Variants in CGGBP1 observed in about 807,000 individuals in gnomAD.
The protein encoded by CGGBP1 is CGG triplet repeat-binding protein 1.
Under a neutral mutation model 11.4 loss-of-function variants are expected in CGGBP1, and 4 were observed. That is an observed-to-expected ratio of 0.35 (90% confidence interval 0.17 to 0.80). The LOEUF is 0.80. CGGBP1 is among the 30% of genes least tolerant of loss of function. The probability of loss-of-function intolerance (pLI) is 0.52; values close to 1 mark genes in which losing one functional copy is unlikely to be tolerated. For missense variants in CGGBP1, 135 were observed against 202.1 expected, an observed-to-expected ratio of 0.67 and a Z score of 2.01; for synonymous variants, 76 against 74.1, an observed-to-expected ratio of 1.03 and a Z score of -0.13.
upstream of CGGBP1, chr3:88,059,554 C>T (rs2107570969): frequency 1.4e-6 from 2 of 1,448,040 alleles, no homozygotes; most frequent in Non-Finnish European, 1.8e-6. Context: ...TCCTGGGCCT[C>T]TCTGCGTCTC....
intron 2 of CGGBP1, among the ~76,000 whole-genome samples, chr3:88,088,795 T>TGGAG (rs1559701766): frequency 1.5e-4 from 22 of 151,510 alleles, no homozygotes; most frequent in African/African-American, 4.9e-4. Flanking sequence ...GATGGATGGA[T>TGGAG]GGAGTCTGGC....
intron 2 of CGGBP1, among the ~76,000 whole-genome samples, chr3:88,077,344 T>C (rs1356557434): frequency 6.6e-6 from 1 of 151,138 alleles, no homozygotes; most frequent in African/African-American, 2.4e-5. Context: ...GTTTTTTTTT[T>C]TTTTTTTGAG....
At chr3:88,125,292 A>G (rs955194281) in intron 2 of CGGBP1, among the ~76,000 whole-genome samples, 3 of 152,110 alleles carry the variant, frequency 2.0e-5, no homozygotes, top group Admixed American at 6.5e-5. Flanking sequence ...TAATCAAACT[A>G]TACAGATCTT....
chr3:88,086,647 T>C (rs1274311156), intron 2 of CGGBP1, among the ~76,000 whole-genome samples: 2 of 152,222 alleles, frequency 1.3e-5, no homozygotes, highest in African/African-American at 2.4e-5. Context: ...CACTTTACTT[T>C]CCTTTTTAAT....
chr3:88,057,956 A>G (rs1706605644), intron 2 of CGGBP1, 63 bp downstream of exon 2: 2 of 152,242 alleles, frequency 1.3e-5, no homozygotes, highest in Non-Finnish European at 1.5e-5. Context: ...CAAAAGAGAA[A>G]AAGCATATCG....
chr3:88,126,075 T>A, intron 2 of CGGBP1: 1 of 1,372,510 alleles, frequency 7.3e-7, no homozygotes, highest in Non-Finnish European at 9.5e-7. Flanking sequence ...ACAATGATGA[T>A]CAAGTTTAGT....
At chr3:88,110,659 T>C (rs1705034192) in intron 2 of CGGBP1, among the ~76,000 whole-genome samples, 1 of 152,104 alleles carries the variant, frequency 6.6e-6, no homozygotes, top group Non-Finnish European at 1.5e-5. Context: ...GACTCATTCA[T>C]TCTGCACCCT....
At chr3:88,118,439 TGTGGG>T (rs1395111774) in intron 2 of CGGBP1, among the ~76,000 whole-genome samples, 9 of 152,150 alleles carry the variant, frequency 5.9e-5, no homozygotes, top group Non-Finnish European at 1.3e-4. Flanking sequence ...CACCCTCCTT[TGTGGG>T]GCAAGTGTTG....
At chr3:88,102,061 A>C (rs1264676743) in intron 2 of CGGBP1, among the ~76,000 whole-genome samples, 1 of 151,960 alleles carries the variant, frequency 6.6e-6, no homozygotes, top group Non-Finnish European at 1.5e-5. Context: ...TCTTTATCAG[A>C]TATGTGATTT....
intron 2 of CGGBP1, among the ~76,000 whole-genome samples, chr3:88,112,216 CAT>C (rs913815568): frequency 6.6e-6 from 1 of 151,276 alleles, no homozygotes; most frequent in African/African-American, 2.4e-5. Context: ...ATTTTAAAAG[CAT>C]ATATATTCTC....
chr3:88,118,941 T>C (rs1705583435), intron 2 of CGGBP1, among the ~76,000 whole-genome samples: 1 of 149,414 alleles, frequency 6.7e-6, no homozygotes, highest in African/African-American at 2.5e-5. Context: ...TTGGTGGGAC[T>C]GTAAACTAGT....
At position 88,055,696 on chromosome 3, in the gene CGGBP1, C is replaced by G. The variant is rs1431797785; in HGVS notation, c.281G>C (p.Ser94Thr). 1.2e-6 allele frequency: 2 copies of G among 1,614,212 alleles called. No individual in the cohort carries two copies. The highest frequency in any genetic ancestry group is 2.2e-5 in the East Asian group (1 of 44,888). ...RPLTASLQCNSTAQTEKVSVI... is the reference protein window; with the variant it reads ...RPLTASLQCNTTAQTEKVSVI... ...ACTGACTTTCTCTGTTTGCGCAGTA[C>G]TGTTGCACTGAAGAGATGCAGTTAG... The change falls in exon 4 of 4, where the codon AGT becomes ACT. Residue 94 changes from serine to threonine, a missense_variant. Ser to Thr is a moderately conservative substitution (Grantham distance 58, BLOSUM62 1). Transcript: ENST00000482016. The surrounding 1 kb of genome is among the most constrained non-coding windows in gnomAD (Gnocchi z 4.2).
In CGGBP1 at chr3:88,054,168, A is replaced by T. The variant is rs1265166954; in HGVS notation, c.*1305T>A. ...TGTCACTGCTTTGTAATAGAAATAT[A>T]TAAGTATTTTTAACTTGAATTTCAA... On this transcript the variant is annotated 3_prime_UTR_variant, in exon 4 of 4. Coordinates refer to ENST00000482016, the MANE Select transcript of CGGBP1 (RefSeq NM_001008390.2). 6.6e-6 allele frequency: 1 copy of T among 152,458 alleles called. No homozygotes were observed. The highest frequency in any genetic ancestry group is 2.4e-5 in the African/African-American group (1 of 41,302). 9.4% of individuals were successfully genotyped at this position (152,458 alleles called of 1,614,324 possible). A position where few individuals can be genotyped will look rare whatever the true frequency, so the allele number is the denominator to read the frequency against.
chr3:88,069,546 T>G (rs1048570517), intron 2 of CGGBP1, among the ~76,000 whole-genome samples: 1 of 152,242 alleles, frequency 6.6e-6, no homozygotes, highest in Non-Finnish European at 1.5e-5. Flanking sequence ...ATCGAAGTTA[T>G]AACTACACAA....
At chr3:88,070,199 C>A (rs1266766737) in intron 2 of CGGBP1, among the ~76,000 whole-genome samples, 1 of 152,110 alleles carries the variant, frequency 6.6e-6, no homozygotes, top group African/African-American at 2.4e-5. Flanking sequence ...ATAGCATTCA[C>A]TTCTGAGGAA....
At chr3:88,087,831 G>GT (rs1708417068) in intron 2 of CGGBP1, among the ~76,000 whole-genome samples, 1 of 152,330 alleles carries the variant, frequency 6.6e-6, no homozygotes, top group South Asian at 2.1e-4. Flanking sequence ...ACAGGTTGGG[G>GT]TGGGGAAACA....
intron 2 of CGGBP1, among the ~76,000 whole-genome samples, chr3:88,069,059 CTAAAGATGTTCA>C (rs1707357062): frequency 6.6e-6 from 1 of 152,076 alleles, no homozygotes; most frequent in African/African-American, 2.4e-5. Flanking sequence ...GCAGCAGAAA[CTAAAGATGTTCA>C]TAAATGTGAA....
chr3:88,090,542 A>G (rs922744769), intron 2 of CGGBP1, among the ~76,000 whole-genome samples: 6 of 152,352 alleles, frequency 3.9e-5, no homozygotes, highest in South Asian at 2.1e-4. Context: ...TATAAAGGTT[A>G]TAATAAGGCT....
At chr3:88,129,782 C>G (rs1207421061) in intron 2 of CGGBP1, 2 of 1,526,470 alleles carry the variant, frequency 1.3e-6, no homozygotes, top group African/African-American at 2.7e-5. Flanking sequence ...TCTGTGAATC[C>G]TTTCTTATTC....
Sources: allele counts gnomAD v4.1 joint callset (sites outside exome capture counted in the v4.1 genomes callset), GRCh38; gene constraint gnomAD v4.1.1; non-coding constraint Gnocchi (gnomAD v3.1); transcripts MANE v1.5; gene names NCBI Gene and HGNC (gene_info 2026-07-23, HGNC 2026-07-21).